Variants in DLG2 observed in about 807,000 individuals in gnomAD.
DLG2 encodes the protein disks large homolog 2.
In DLG2, 45 loss-of-function variants were observed where a neutral mutation model predicts 132.5. The observed-to-expected ratio is 0.34, with a 90% CI of 0.27 to 0.44. The LOEUF is 0.44. DLG2 is among the 20% of genes least tolerant of loss of function. The pLI, the probability that DLG2 is intolerant of heterozygous loss-of-function variation, is 1.00. For missense variants in DLG2, 1,045 were observed against 1,196.9 expected (o/e 0.87, Z 1.87); for synonymous variants, 424 against 419.6 (o/e 1.01, Z -0.13).
intron 5 of DLG2, among the ~76,000 whole-genome samples, chr11:85,138,539 A>C (rs888285180): frequency 6.6e-6 from 1 of 152,000 alleles, no homozygotes; most frequent in African/African-American, 2.4e-5. Flanking sequence ...ACCTTCTTAT[A>C]CCCTGATATG....
At chr11:84,652,675 T>C (rs1341031477) in intron 6 of DLG2, among the ~76,000 whole-genome samples, 1 of 152,156 alleles carries the variant, frequency 6.6e-6, no homozygotes, top group Non-Finnish European at 1.5e-5. Flanking sequence ...AATTATCATG[T>C]TTAATACTTA....
intron 18 of DLG2, chr11:83,684,502 C>T (rs767912105): frequency 6.6e-5 from 10 of 152,104 alleles, no homozygotes; most frequent in Non-Finnish European, 1.2e-4. Context: ...GATGAGATGC[C>T]GTCTTTCCTG....
chr11:84,961,085 G>C (rs1451848129), intron 6 of DLG2, among the ~76,000 whole-genome samples: 1 of 151,780 alleles, frequency 6.6e-6, no homozygotes, highest in East Asian at 2.0e-4. Context: ...CAACAGTGTG[G>C]GGAGTAGGCT....
intron 6 of DLG2, among the ~76,000 whole-genome samples, chr11:84,850,341 G>T (rs188222277): frequency 6.6e-6 from 1 of 151,520 alleles, no homozygotes; most frequent in South Asian, 2.1e-4. Flanking sequence ...ATTGCTAAAT[G>T]ACTAGCTGTA....
chr11:85,200,810 A>G (rs2081402538), intron 4 of DLG2, among the ~76,000 whole-genome samples: 1 of 151,326 alleles, frequency 6.6e-6, no homozygotes, highest in African/African-American at 2.4e-5. Flanking sequence ...CTCCAGCCCC[A>G]GTCTGCTGCA....
intron 19 of DLG2, among the ~76,000 whole-genome samples, chr11:83,592,574 T>C (rs1280747322): frequency 2.6e-5 from 4 of 152,098 alleles, no homozygotes; most frequent in South Asian, 4.1e-4. Context: ...ATTCAGGACA[T>C]AGGCATGGGC....
At chr11:84,837,685 T>A (rs921456447) in intron 6 of DLG2, among the ~76,000 whole-genome samples, 1 of 151,706 alleles carries the variant, frequency 6.6e-6, no homozygotes. Flanking sequence ...CTATAGGAAT[T>A]TTCACCCAAA....
intron 18 of DLG2, among the ~76,000 whole-genome samples, chr11:83,704,760 G>C (rs2083606358): frequency 6.6e-6 from 1 of 152,118 alleles, no homozygotes; most frequent in South Asian, 2.1e-4. Context: ...CTGGAAGGCG[G>C]AGGTGGCAGT....
chr11:83,545,241 G>A (rs998811066), intron 19 of DLG2, among the ~76,000 whole-genome samples: 24 of 152,042 alleles, frequency 1.6e-4, no homozygotes, highest in Admixed American at 1.2e-3. Context: ...CTGTAAAACT[G>A]GCATAAATCA....
At position 83,812,161 on chromosome 11, in the gene DLG2, C is replaced by T. The variant is rs79761355; in HGVS notation, c.1722+21453G>A. 2.1e-3 allele frequency among the ~76,000 whole-genome samples: 319 copies of T among 152,232 alleles called. 12 individuals are homozygous for T. In the South Asian group the frequency reaches 0.046, roughly 22 times the overall value. On this transcript the variant is annotated intron_variant, in intron 17 of 27. Transcript: ENST00000376104. ...ATGCTGCCACCCTTGCCTTGGGAAG[C>T]TCAATTCAAATCCTACTTCTCCTAT...
At chr11:85,468,852 C>T (rs921565906) in intron 3 of DLG2, among the ~76,000 whole-genome samples, 1 of 152,028 alleles carries the variant, frequency 6.6e-6, no homozygotes, top group Non-Finnish European at 1.5e-5. Flanking sequence ...GAGATGGAGT[C>T]TCACCACATT....
chr11:83,866,730 TG>T (rs2062459005), intron 16 of DLG2, among the ~76,000 whole-genome samples: 2 of 152,150 alleles, frequency 1.3e-5, no homozygotes, highest in Non-Finnish European at 2.9e-5. Flanking sequence ...AACTCAACTA[TG>T]TCCAGAAAAT....
At chr11:84,741,281 C>G (rs967054810) in intron 6 of DLG2, among the ~76,000 whole-genome samples, 9 of 151,868 alleles carry the variant, frequency 5.9e-5, no homozygotes, top group African/African-American at 2.2e-4. Flanking sequence ...GTCTCGATCT[C>G]CTGACCTCGT....
intron 7 of DLG2, among the ~76,000 whole-genome samples, chr11:84,447,961 G>A (rs1394077958): frequency 2.6e-5 from 4 of 152,052 alleles, no homozygotes; most frequent in African/African-American, 9.7e-5. Flanking sequence ...ATATCTAATG[G>A]AACATTAGAA....
At chr11:84,145,863 T>C (rs1286903362) in intron 9 of DLG2, among the ~76,000 whole-genome samples, 3 of 152,206 alleles carry the variant, frequency 2.0e-5, no homozygotes, top group Non-Finnish European at 2.9e-5. Flanking sequence ...CTTTGAGGTA[T>C]GTTTACTAGG....
chr11:84,031,378 G>GT (rs2095686541), intron 11 of DLG2, among the ~76,000 whole-genome samples: 2 of 152,110 alleles, frequency 1.3e-5, no homozygotes, highest in South Asian at 4.1e-4. Context: ...AGGGTTCATA[G>GT]TTTTTATTTT....
intron 4 of DLG2, among the ~76,000 whole-genome samples, chr11:85,254,430 T>C (rs1410901136): frequency 6.6e-6 from 1 of 152,258 alleles, no homozygotes; most frequent in Non-Finnish European, 1.5e-5. Flanking sequence ...AGTCTTACCT[T>C]TGTGTAATAG....
At chr11:84,492,705 T>C (rs1204868903) in intron 7 of DLG2, among the ~76,000 whole-genome samples, 2 of 152,166 alleles carry the variant, frequency 1.3e-5, no homozygotes, top group Non-Finnish European at 2.9e-5. Flanking sequence ...ATCCTCATCA[T>C]CATCCTAACC....
At chr11:85,505,826 C>A (rs1385447614) in intron 3 of DLG2, among the ~76,000 whole-genome samples, 3 of 152,070 alleles carry the variant, frequency 2.0e-5, no homozygotes, top group Non-Finnish European at 4.4e-5. Flanking sequence ...CTGGTAGAAT[C>A]CAGCTGTGAA....
Sources: gnomAD v4.1 joint callset for allele counts (sites outside exome capture counted in the v4.1 genomes callset) on GRCh38, gnomAD v4.1.1 for gene constraint, MANE v1.5 for transcripts, NCBI Gene and HGNC (gene_info 2026-07-23, HGNC 2026-07-21) for gene names.